EPHA7: variants seen among roughly 807,000 people sequenced by gnomAD.
The protein encoded by EPHA7 is ephrin type-A receptor 7.
EPHA7 carries 25 observed loss-of-function variants against 112.6 expected under a neutral mutation model. The observed-to-expected ratio is 0.22, with a 90% confidence interval of 0.16 to 0.31. The LOEUF (loss-of-function observed/expected upper bound fraction) is 0.31. Ranked by LOEUF, EPHA7 falls within the 10% of genes least tolerant of loss-of-function variation. EPHA7 has a pLI of 1.00. For missense variants in EPHA7, 962 were observed against 1,212.6 expected (o/e 0.79, Z 3.07); for synonymous variants, 437 against 406.5 (o/e 1.07, Z -0.90).
intron 5 of EPHA7, among the ~76,000 whole-genome samples, chr6:93,325,106 T>C (rs1419930262): frequency 2.0e-5 from 3 of 151,256 alleles, no homozygotes; most frequent in Non-Finnish European, 4.4e-5. Flanking sequence ...GAGTGAAGAT[T>C]CTACCAGCTG....
chr6:93,351,849 C>A (rs889705374), intron 5 of EPHA7, among the ~76,000 whole-genome samples: 1 of 151,976 alleles, frequency 6.6e-6, no homozygotes, highest in African/African-American at 2.4e-5. Context: ...CAGTAACACA[C>A]CTTTTTATTC....
intron 3 of EPHA7, among the ~76,000 whole-genome samples, chr6:93,385,192 A>G (rs1292864543): frequency 1.3e-5 from 2 of 152,150 alleles, no homozygotes; most frequent in African/African-American, 4.8e-5. Context: ...TCATTCCCAC[A>G]AAACAATGTA....
intron 3 of EPHA7, among the ~76,000 whole-genome samples, chr6:93,368,874 T>C (rs1473385713): frequency 6.6e-6 from 1 of 152,062 alleles, no homozygotes; most frequent in Non-Finnish European, 1.5e-5. Flanking sequence ...ATACTAAGTC[T>C]TGTGAAGCAA....
chr6:93,313,015 T>C (rs1269748149), intron 5 of EPHA7, among the ~76,000 whole-genome samples: 3 of 152,058 alleles, frequency 2.0e-5, no homozygotes, highest in African/African-American at 7.2e-5. Flanking sequence ...ATTACAGTAG[T>C]AACATCAAAG....
chr6:93,336,592 G>A (rs554653378), intron 5 of EPHA7, among the ~76,000 whole-genome samples: 103 of 152,000 alleles, frequency 6.8e-4, no homozygotes, highest in African/African-American at 2.4e-3. Context: ...TAGTAGAGAC[G>A]GGGTTTCACT....
chr6:93,271,494 A>G (rs1469990803), intron 6 of EPHA7, among the ~76,000 whole-genome samples: 1 of 151,874 alleles, frequency 6.6e-6, no homozygotes, highest in Non-Finnish European at 1.5e-5. Flanking sequence ...TGTTGGTAAT[A>G]GCAATGGTTT....
intron 3 of EPHA7, among the ~76,000 whole-genome samples, chr6:93,392,891 T>G: frequency 6.6e-6 from 1 of 151,880 alleles, no homozygotes; most frequent in East Asian, 1.9e-4. Context: ...TTCTTAAATA[T>G]TTTTCAATAT....
intron 5 of EPHA7, among the ~76,000 whole-genome samples, chr6:93,299,092 C>G (rs1271088115): frequency 3.3e-5 from 5 of 150,572 alleles, no homozygotes; most frequent in Admixed American, 3.3e-4. Context: ...TTTGGGAGGC[C>G]GAGGCGGGCG....
chr6:93,295,040 G>GGA (rs1270900976), intron 5 of EPHA7, among the ~76,000 whole-genome samples: 1 of 151,620 alleles, frequency 6.6e-6, no homozygotes, highest in African/African-American at 2.4e-5. Context: ...AGATGAAAAG[G>GGA]GAGAGAGAGA....
chr6:93,273,212 T>G (rs751928215), intron 5 of EPHA7, among the ~76,000 whole-genome samples: 2 of 151,994 alleles, frequency 1.3e-5, no homozygotes, highest in Non-Finnish European at 2.9e-5. Flanking sequence ...GTCTGTGGAA[T>G]GTAGCAAACT....
At chr6:93,247,351 C>A (rs1189507233) in intron 14 of EPHA7, among the ~76,000 whole-genome samples, 1 of 152,136 alleles carries the variant, frequency 6.6e-6, no homozygotes, top group Non-Finnish European at 1.5e-5. Flanking sequence ...TTTAATAATT[C>A]TGCAAGTTGT....
At chr6:93,328,124 T>C (rs1420616339) in intron 5 of EPHA7, among the ~76,000 whole-genome samples, 2 of 151,466 alleles carry the variant, frequency 1.3e-5, no homozygotes, top group African/African-American at 2.4e-5. Context: ...AACACTCTTC[T>C]TCCGTTTGGC....
intron 5 of EPHA7, among the ~76,000 whole-genome samples, chr6:93,351,747 T>C (rs1775705996): frequency 6.6e-6 from 1 of 152,076 alleles, no homozygotes; most frequent in South Asian, 2.1e-4. Context: ...ACTCTTTTCA[T>C]GCACATTTTA....
chr6:93,251,604 A>G (rs1246707760), intron 14 of EPHA7, among the ~76,000 whole-genome samples: 1 of 130,178 alleles, frequency 7.7e-6, no homozygotes, highest in African/African-American at 2.6e-5. Context: ...TAATGTAAGA[A>G]AAATACTGCT....
chr6:93,255,126 C>T (rs929107525), intron 13 of EPHA7, among the ~76,000 whole-genome samples: 2 of 151,966 alleles, frequency 1.3e-5, no homozygotes, highest in Non-Finnish European at 2.9e-5. Flanking sequence ...GGTGGATCAC[C>T]TGAGGCCAGG....
In EPHA7 at chr6:93,410,240, A is replaced by G. The variant is rs1187875676; in HGVS notation, c.832+261T>C. ...TCTAAACTCCATAGCCCAACGTGCA[A>G]CTATTGACTTCCATGTTAAGCATAG... On this transcript the variant is annotated intron_variant, in intron 3 of 16. Coordinates refer to ENST00000369303, the MANE Select transcript of EPHA7 (RefSeq NM_004440.4). The surrounding 1 kb of genome is among the most constrained non-coding windows in gnomAD (Gnocchi z 4.0). 3 of 405,606 alleles carry G rather than the reference A, an allele frequency of 7.4e-6. No homozygotes were observed. Among genetic ancestry groups the G allele is most frequent in the Non-Finnish European group, 1.3e-5 (3 of 224,656 alleles). 25.1% of individuals were successfully genotyped at this position (405,606 alleles called of 1,614,324 possible).
At chr6:93,315,120 C>T (rs1773744529) in intron 5 of EPHA7, among the ~76,000 whole-genome samples, 1 of 150,254 alleles carries the variant, frequency 6.7e-6, no homozygotes, top group African/African-American at 2.5e-5. Context: ...CCTCGGCCTC[C>T]CAAAGTGCTG....
intron 5 of EPHA7, among the ~76,000 whole-genome samples, chr6:93,305,312 G>T (rs1386250380): frequency 6.7e-6 from 1 of 149,876 alleles, no homozygotes; most frequent in African/African-American, 2.5e-5. Context: ...GAGAAATTAT[G>T]AAAGTAAAAG....
chr6:93,254,477 T>A (rs1770349030), intron 14 of EPHA7, among the ~76,000 whole-genome samples, 170 bp downstream of exon 14: 1 of 152,160 alleles, frequency 6.6e-6, no homozygotes, highest in Non-Finnish European at 1.5e-5. Context: ...GCCAAAATAA[T>A]AAAATTAGTA....
Sources: allele counts gnomAD v4.1 joint callset (sites outside exome capture counted in the v4.1 genomes callset), GRCh38; gene constraint gnomAD v4.1.1; non-coding constraint Gnocchi (gnomAD v3.1); transcripts MANE v1.5; gene names NCBI Gene and HGNC (gene_info 2026-07-23, HGNC 2026-07-21).